The following RBPJ variants were observed in gnomAD, a reference collection of about 807,000 sequenced individuals.
RBPJ encodes recombination signal binding protein for immunoglobulin kappa J region.
Under a neutral mutation model 67.8 loss-of-function variants are expected in RBPJ, and 9 were observed. The observed-to-expected ratio is 0.13, with a 90% CI of 0.08 to 0.23. The LOEUF (loss-of-function observed/expected upper bound fraction) is 0.23. Among genes scored for constraint, RBPJ ranks in the 10% least tolerant of loss-of-function variants. The pLI, the probability that RBPJ is intolerant of heterozygous loss-of-function variation, is 1.00. For synonymous variants in RBPJ, 198 were observed against 203.3 expected (o/e 0.97, Z 0.22); for missense variants, 305 against 595.6 (o/e 0.51, Z 5.08).
intron 1 of RBPJ, among the ~76,000 whole-genome samples, chr4:26,285,465 C>T (rs1283335159): frequency 6.6e-6 from 1 of 152,074 alleles, no homozygotes; most frequent in Non-Finnish European, 1.5e-5. Flanking sequence ...ACATCCGGTG[C>T]TGGTAAAACC....
chr4:26,339,760 C>T (rs762089112), intron 1 of RBPJ, among the ~76,000 whole-genome samples: 2 of 152,190 alleles, frequency 1.3e-5, no homozygotes, highest in Non-Finnish European at 2.9e-5. Context: ...TGGCTCATGC[C>T]TGTAATCCCA....
rs781456741 is a variant in RBPJ at position 26,262,811 on chromosome 4, C to T, written c.-167+99197C>T. Among the ~76,000 whole-genome samples, 4 of 152,280 alleles carry T rather than the reference C, an allele frequency of 2.6e-5. No individual in the cohort carries two copies. The South Asian group carries it at 8.3e-4, about 32-fold the overall frequency. ...GTCCTCAGACACCATAAACCTCACA[C>T]ATCCAAAATTGCTCTTATTTTTTTC... On this transcript the variant is annotated intron_variant, in intron 1 of 4. Transcript: ENST00000512351.
intron 1 of RBPJ, among the ~76,000 whole-genome samples, chr4:26,380,562 A>G (rs1477495526): frequency 6.6e-6 from 1 of 152,218 alleles, no homozygotes; most frequent in Non-Finnish European, 1.5e-5. Flanking sequence ...AGAATATAGT[A>G]ATAATGTATA....
chr4:26,303,043 T>C (rs904405866), intron 1 of RBPJ, among the ~76,000 whole-genome samples: 10 of 151,800 alleles, frequency 6.6e-5, no homozygotes, highest in Non-Finnish European at 1.3e-4. Context: ...TTGCTGGGCA[T>C]GGTAACGCAT....
At chr4:26,185,525 G>A (rs1205648148) in intron 1 of RBPJ, among the ~76,000 whole-genome samples, 1 of 152,168 alleles carries the variant, frequency 6.6e-6, no homozygotes, top group Non-Finnish European at 1.5e-5. Flanking sequence ...TTTTGGGGAT[G>A]GTTTGATGCT....
At chr4:26,274,066 C>T (rs1306352507) in intron 1 of RBPJ, among the ~76,000 whole-genome samples, 3 of 152,178 alleles carry the variant, frequency 2.0e-5, no homozygotes, top group African/African-American at 7.2e-5. Context: ...CAGATATATG[C>T]TTTTCTACTT....
chr4:26,313,166 G>T (rs1458943895), intron 1 of RBPJ, among the ~76,000 whole-genome samples: 1 of 152,138 alleles, frequency 6.6e-6, no homozygotes, highest in Non-Finnish European at 1.5e-5. Context: ...CAAGTGATCT[G>T]CCTGTCTTAG....
chr4:26,137,972 C>T, the RBPJ span, among the ~76,000 whole-genome samples: 1 of 152,154 alleles, frequency 6.6e-6, no homozygotes, highest in East Asian at 1.9e-4. Flanking sequence ...CAGTCTGAAC[C>T]AATGAGGGAG....
At chr4:26,175,079 A>G (rs1253001023) in intron 1 of RBPJ, among the ~76,000 whole-genome samples, 2 of 152,168 alleles carry the variant, frequency 1.3e-5, no homozygotes, top group Non-Finnish European at 2.9e-5. Flanking sequence ...ACTTTCCTCT[A>G]TGACTCTGAG....
chr4:26,260,877 A>G (rs1292070369), intron 1 of RBPJ, among the ~76,000 whole-genome samples: 9 of 152,136 alleles, frequency 5.9e-5, no homozygotes, highest in East Asian at 3.9e-4. Flanking sequence ...TGAACTCACC[A>G]TCATTCATTG....
chr4:26,327,294 T>G (rs1227265133), intron 1 of RBPJ, among the ~76,000 whole-genome samples: 6 of 152,182 alleles, frequency 3.9e-5, no homozygotes, highest in African/African-American at 1.4e-4. Context: ...TAATTACCTA[T>G]CCGTATAGAT....
chr4:26,261,496 T>G (rs16878215), intron 1 of RBPJ, among the ~76,000 whole-genome samples: 16,970 of 152,054 alleles, frequency 0.11, 2,999 homozygotes, highest in African/African-American at 0.37. Context: ...AAAGTAAATA[T>G]CGGATAAAGG....
intron 1 of RBPJ, among the ~76,000 whole-genome samples, chr4:26,192,746 G>A (rs1717613707): frequency 6.6e-6 from 1 of 152,138 alleles, no homozygotes; most frequent in African/African-American, 2.4e-5. Flanking sequence ...TTGCCTCGCT[G>A]CCATGTAAGC....
intron 1 of RBPJ, among the ~76,000 whole-genome samples, chr4:26,271,039 A>G (rs1720901331): frequency 1.4e-5 from 2 of 137,932 alleles, no homozygotes; most frequent in African/African-American, 7.1e-5. Context: ...TTTGTTATTA[A>G]TTATTGTTAA....
At chr4:26,157,921 T>C in the RBPJ span, among the ~76,000 whole-genome samples, 1 of 152,194 alleles carries the variant, frequency 6.6e-6, no homozygotes, top group South Asian at 2.1e-4. Context: ...TCTTGGATGA[T>C]CTAGCCTCAA....
upstream of RBPJ, among the ~76,000 whole-genome samples, chr4:26,160,315 G>C (rs1369883894): frequency 6.6e-6 from 1 of 152,216 alleles, no homozygotes; most frequent in Non-Finnish European, 1.5e-5. Flanking sequence ...ACAGATACAA[G>C]GGAATCTAGG....
At chr4:26,267,022 C>T (rs1323675872) in intron 1 of RBPJ, among the ~76,000 whole-genome samples, 1 of 152,222 alleles carries the variant, frequency 6.6e-6, no homozygotes, top group African/African-American at 2.4e-5. Flanking sequence ...AGCCTAAAAG[C>T]TTGCACTTTC....
chr4:26,413,457 G>T (rs1393394863), intron 3 of RBPJ, among the ~76,000 whole-genome samples: 2 of 152,172 alleles, frequency 1.3e-5, no homozygotes, highest in Non-Finnish European at 2.9e-5. Context: ...CTATTAGAGT[G>T]TAAGTTCCAT....
At chr4:26,399,725 G>T (rs902836964) in intron 2 of RBPJ, among the ~76,000 whole-genome samples, 1 of 151,740 alleles carries the variant, frequency 6.6e-6, no homozygotes, top group African/African-American at 2.4e-5. Flanking sequence ...GGAGTCTGTC[G>T]CTCAGGCTGG....
Sources: allele counts gnomAD v4.1 joint callset (sites outside exome capture counted in the v4.1 genomes callset), GRCh38; gene constraint gnomAD v4.1.1; transcripts MANE v1.5; gene names NCBI Gene and HGNC (gene_info 2026-07-23, HGNC 2026-07-21).